QKI: variants seen among roughly 807,000 people sequenced by gnomAD.
The protein encoded by QKI is QKI, KH domain containing RNA binding.
QKI carries 10 observed loss-of-function variants against 39.0 expected under a neutral mutation model. That is an observed-to-expected ratio of 0.26 (90% CI 0.16 to 0.43). QKI has a LOEUF of 0.43. Among genes scored for constraint, QKI ranks in the 20% least tolerant of loss-of-function variants. The pLI, the probability that QKI is intolerant of heterozygous loss-of-function variation, is 1.00. For missense variants in QKI, 218 were observed against 428.0 expected, an observed-to-expected ratio of 0.51 and a Z score of 4.33; for synonymous variants, 204 against 155.4, an observed-to-expected ratio of 1.31 and a Z score of -2.33.
chr6:163,553,719 G>A (rs1456095158), intron 4 of QKI, among the ~76,000 whole-genome samples: 3 of 152,046 alleles, frequency 2.0e-5, no homozygotes, highest in African/African-American at 7.2e-5. Context: ...TTGAGACTTG[G>A]CTTTTGTTTT....
intron 4 of QKI, among the ~76,000 whole-genome samples, chr6:163,548,245 G>A (rs1178290685): frequency 2.0e-5 from 3 of 152,170 alleles, no homozygotes; most frequent in Non-Finnish European, 4.4e-5. Flanking sequence ...TTTCATCTTA[G>A]TATCTCTCCC....
At chr6:163,431,826 C>T (rs1235873511) in intron 1 of QKI, among the ~76,000 whole-genome samples, 7 of 53,722 alleles carry the variant, frequency 1.3e-4, no homozygotes, top group Admixed American at 3.1e-4. Flanking sequence ...AAAAACTGTT[C>T]TTATTAAAAA....
At chr6:163,566,900 GT>G (rs1014797778) in intron 7 of QKI, 105 bp downstream of exon 7, 6 of 1,479,148 alleles carry the variant, frequency 4.1e-6, no homozygotes, top group Middle Eastern at 1.8e-4. Flanking sequence ...CCTGCACACA[GT>G]TTTTTTTCCT....
At chr6:163,551,279 C>T (rs369254577) in intron 4 of QKI, among the ~76,000 whole-genome samples, 1 of 152,158 alleles carries the variant, frequency 6.6e-6, no homozygotes, top group South Asian at 2.1e-4. Context: ...GGGTGTCCTC[C>T]GATTTAATCC....
At chr6:163,499,656 C>G (rs1778623966) in intron 3 of QKI, among the ~76,000 whole-genome samples, 1 of 152,082 alleles carries the variant, frequency 6.6e-6, no homozygotes. Flanking sequence ...CAATCCTGTC[C>G]TCACCTTCTA....
At chr6:163,506,144 G>A (rs1040817814) in intron 3 of QKI, among the ~76,000 whole-genome samples, 1 of 151,132 alleles carries the variant, frequency 6.6e-6, no homozygotes, top group Admixed American at 6.6e-5. Context: ...GGCCTCTCCA[G>A]CCATGCAGAA....
intron 7 of QKI, chr6:163,568,695 A>C (rs1783521542): frequency 1.0e-6 from 1 of 985,132 alleles, no homozygotes; most frequent in Non-Finnish European, 1.2e-6. Flanking sequence ...ATGCAAAAAA[A>C]CTCAGCCCTT....
chr6:163,465,857 T>G (rs1791701198), intron 2 of QKI, among the ~76,000 whole-genome samples: 2 of 151,784 alleles, frequency 1.3e-5, no homozygotes, highest in Non-Finnish European at 2.9e-5. Context: ...GGTATGGTGG[T>G]TAACACCTGT....
At chr6:163,420,190 C>CTTTT (rs35712540) in intron 1 of QKI, among the ~76,000 whole-genome samples, 1 of 98,044 alleles carries the variant, frequency 1.0e-5, no homozygotes, top group African/African-American at 3.6e-5. Context: ...TTTTTCTTTC[C>CTTTT]TTTTTTTTTT....
intron 3 of QKI, among the ~76,000 whole-genome samples, chr6:163,486,564 A>G (rs1777694359): frequency 6.6e-6 from 1 of 152,152 alleles, no homozygotes; most frequent in African/African-American, 2.4e-5. Flanking sequence ...TATAGCAGAG[A>G]TTTCTTAGCT....
chr6:163,425,177 G>T (rs1788316973), intron 1 of QKI, among the ~76,000 whole-genome samples: 2 of 152,168 alleles, frequency 1.3e-5, no homozygotes, highest in Admixed American at 1.3e-4. Flanking sequence ...TTAACAGCTG[G>T]TATGATTTAA....
At chr6:163,553,706 T>C (rs1232829907) in intron 4 of QKI, among the ~76,000 whole-genome samples, 3 of 152,214 alleles carry the variant, frequency 2.0e-5, no homozygotes, top group South Asian at 2.1e-4. Context: ...TAAGTACTTA[T>C]TATTGAGACT....
In QKI at chr6:163,447,978, TTG is replaced by T. The variant is rs576316713; in HGVS notation, c.143-7297_143-7296del. On this transcript the variant is annotated intron_variant, in intron 1 of 7. Coordinates refer to ENST00000361752, the MANE Select transcript of QKI (RefSeq NM_006775.3). ...AATAGTTGTATCTTTTTTGACTTTG[TTG>T]TGTCTACCAAAAAAATGTATACTTA... Among the ~76,000 whole-genome samples, 495 of 152,298 alleles carry T rather than the reference TTG, an allele frequency of 3.3e-3. 4 individuals carry two copies. Among genetic ancestry groups the T allele is most frequent in the African/African-American group, 0.011 (465 of 41,578 alleles).
In QKI at chr6:163,474,406, T is replaced by C. The variant is rs985702123; in HGVS notation, c.286-4374T>C. On this transcript the variant is annotated intron_variant, in intron 2 of 7. Coordinates refer to ENST00000361752, the MANE Select transcript of QKI (RefSeq NM_006775.3). ...ATTATTTCCAGGTGATGTGATTGTT[T>C]AGCATCCAAAAGAATCTACAAAAGA... Among the ~76,000 whole-genome samples the C allele has an allele frequency of 2.6e-5, 4 of 152,242 alleles. 1 individual carries two copies. Among genetic ancestry groups the C allele is most frequent in the Admixed American group, 2.6e-4 (4 of 15,296 alleles).
intron 2 of QKI, among the ~76,000 whole-genome samples, chr6:163,457,180 C>T (rs1343953252): frequency 6.6e-6 from 1 of 152,126 alleles, no homozygotes; most frequent in Non-Finnish European, 1.5e-5. Context: ...TGGGCATTAA[C>T]ATAGAATATG....
chr6:163,553,026 A>T (rs1782346876), intron 4 of QKI, among the ~76,000 whole-genome samples: 1 of 147,620 alleles, frequency 6.8e-6, no homozygotes, highest in South Asian at 2.1e-4. Context: ...AGATTTTTAG[A>T]TAGTCATAAT....
chr6:163,568,064 C>T (rs371440217), intron 7 of QKI: 8 of 985,070 alleles, frequency 8.1e-6, no homozygotes, highest in East Asian at 1.1e-4. Context: ...ACCCCAGCTC[C>T]GTGGTCGTCT....
chr6:163,489,369 G>A (rs1777904414), intron 3 of QKI, among the ~76,000 whole-genome samples: 1 of 151,616 alleles, frequency 6.6e-6, no homozygotes, highest in South Asian at 2.1e-4. Context: ...ACAAAACTTT[G>A]CTCTGTTGTG....
At chr6:163,435,349 C>T (rs1326121010) in intron 1 of QKI, among the ~76,000 whole-genome samples, 1 of 152,110 alleles carries the variant, frequency 6.6e-6, no homozygotes, top group Non-Finnish European at 1.5e-5. Flanking sequence ...TGGAGTAAAG[C>T]ACATTTTTAT....
Sources: gnomAD v4.1 joint callset for allele counts (sites outside exome capture counted in the v4.1 genomes callset) on GRCh38, gnomAD v4.1.1 for gene constraint, MANE v1.5 for transcripts, NCBI Gene and HGNC (gene_info 2026-07-23, HGNC 2026-07-21) for gene names.